The following LAMA2 variants were observed in gnomAD, a reference collection of about 807,000 sequenced individuals.
LAMA2 encodes laminin subunit alpha-2.
A neutral mutation model predicts 364.8 loss-of-function variants in LAMA2; 269 were observed. The observed-to-expected ratio is 0.74, with a 90% CI of 0.67 to 0.82. The LOEUF (loss-of-function observed/expected upper bound fraction) is 0.82. LAMA2 is among the 40% of genes least tolerant of loss of function. LAMA2 has a pLI of 0.00. For synonymous variants in LAMA2, 1,379 were observed against 1,370.6 expected (o/e 1.01, Z -0.14); for missense variants, 3,807 against 3,873.2 (o/e 0.98, Z 0.45).
chr6:129,507,599 TCA>T lies in LAMA2; in HGVS notation c.8815_8816del (p.Gln2939GlufsTer6), dbSNP rs1408614522. 1 of 1,614,180 alleles carries T rather than the reference TCA, an allele frequency of 6.2e-7. No individual in the cohort carries two copies. The highest frequency in any genetic ancestry group is 2.2e-5 in the East Asian group (1 of 44,878). On this transcript the variant is annotated frameshift_variant, in exon 62 of 65. Coordinates refer to ENST00000421865, the MANE Select transcript of LAMA2 (RefSeq NM_000426.4). LOFTEE classifies it high-confidence loss of function. ...ATGTTGGGACATGTTTTGCAAATGCTCAGAGGGGAACATATTTTGACGGAACC... is the reference window on the plus strand; with the variant it reads ...ATGTTGGGACATGTTTTGCAAATGCTGAGGGGAACATATTTTGACGGAACC... ...FHVGTCFANA[Q>X]RGTYFDGTGF...
chr6:129,263,335 A>AGGAAATAAACAGGG (rs1261062972), intron 15 of LAMA2, among the ~76,000 whole-genome samples: 5 of 152,184 alleles, frequency 3.3e-5, no homozygotes, highest in Non-Finnish European at 7.4e-5. Flanking sequence ...AATTCTATGA[A>AGGAAATAAACAGGG]GGAAATAAAC....
At chr6:128,912,871 T>G (rs934817679) in intron 1 of LAMA2, among the ~76,000 whole-genome samples, 2 of 152,182 alleles carry the variant, frequency 1.3e-5, no homozygotes. Context: ...GACTGAGTTT[T>G]GAACAGAAGA....
intron 40 of LAMA2, among the ~76,000 whole-genome samples, chr6:129,407,134 A>T (rs866249547): frequency 6.6e-6 from 1 of 152,106 alleles, no homozygotes; most frequent in Non-Finnish European, 1.5e-5. Context: ...GCCCACCCAC[A>T]TTGAGGGTGG....
chr6:129,086,120 T>C (rs549713534), intron 3 of LAMA2, among the ~76,000 whole-genome samples: 3 of 152,238 alleles, frequency 2.0e-5, no homozygotes, highest in Non-Finnish European at 4.4e-5. Context: ...ATGCTCTCTT[T>C]TGCAAGTCTT....
At chr6:129,100,656 G>A (rs1226831062) in intron 4 of LAMA2, among the ~76,000 whole-genome samples, 16 of 152,182 alleles carry the variant, frequency 1.1e-4, no homozygotes, top group African/African-American at 2.4e-5. Context: ...GTTGACAATC[G>A]CTAAACTTAA....
chr6:128,969,645 G>A (rs924501371), intron 1 of LAMA2, among the ~76,000 whole-genome samples: 2 of 152,046 alleles, frequency 1.3e-5, no homozygotes, highest in African/African-American at 4.8e-5. Context: ...TGTCCAGGCT[G>A]TTCTCAAACT....
intron 55 of LAMA2, among the ~76,000 whole-genome samples, chr6:129,484,549 G>A (rs1784503980): frequency 6.6e-6 from 1 of 152,076 alleles, no homozygotes. Context: ...GAACAGAGAG[G>A]CAAACTGTGG....
chr6:128,920,345 A>G (rs1181162730), intron 1 of LAMA2, among the ~76,000 whole-genome samples: 1 of 151,818 alleles, frequency 6.6e-6, no homozygotes, highest in Non-Finnish European at 1.5e-5. Context: ...TTTAGTAGAG[A>G]CAGGATTTCA....
intron 54 of LAMA2, among the ~76,000 whole-genome samples, chr6:129,480,654 T>G (rs1784301259): frequency 6.6e-6 from 1 of 151,704 alleles, no homozygotes; most frequent in African/African-American, 2.4e-5. Context: ...GCACCTTATT[T>G]ACATTTCTAC....
At chr6:129,422,647 C>T (rs984860608) in intron 40 of LAMA2, among the ~76,000 whole-genome samples, 9 of 152,122 alleles carry the variant, frequency 5.9e-5, no homozygotes, top group African/African-American at 2.2e-4. Context: ...ACTACCAAAA[C>T]TCACAGATAA....
chr6:129,101,539 A>G (rs1448966146), intron 4 of LAMA2, among the ~76,000 whole-genome samples: 1 of 152,178 alleles, frequency 6.6e-6, no homozygotes, highest in African/African-American at 2.4e-5. Flanking sequence ...TAGTTTTACT[A>G]TGATGCTTCA....
chr6:129,034,452 G>GC (rs1786468656), intron 1 of LAMA2, among the ~76,000 whole-genome samples: 1 of 151,044 alleles, frequency 6.6e-6, no homozygotes. Context: ...TATCATGACA[G>GC]TTTTTTTTTC....
chr6:128,909,731 T>C (rs1201679785), intron 1 of LAMA2, among the ~76,000 whole-genome samples: 2 of 152,116 alleles, frequency 1.3e-5, no homozygotes, highest in Non-Finnish European at 2.9e-5. Flanking sequence ...CTTCCTAGTC[T>C]CGATGGTCTT....
At chr6:129,206,112 GGAAGGA>G (rs1562331105) in intron 12 of LAMA2, among the ~76,000 whole-genome samples, 1,384 of 96,992 alleles carry the variant, frequency 0.014, 23 homozygotes, top group African/African-American at 0.047. Context: ...GAGGGAGGAA[GGAAGGA>G]AGGAAGGAAG....
intron 1 of LAMA2, among the ~76,000 whole-genome samples, chr6:128,921,770 A>T (rs1394235703): frequency 6.7e-6 from 1 of 150,278 alleles, no homozygotes; most frequent in Non-Finnish European, 1.5e-5. Flanking sequence ...GATTAGTTAC[A>T]TATGTATACA....
intron 40 of LAMA2, among the ~76,000 whole-genome samples, chr6:129,425,369 C>G (rs1016221306): frequency 2.0e-5 from 3 of 151,878 alleles, no homozygotes; most frequent in African/African-American, 7.3e-5. Context: ...GGGCCATCTT[C>G]CTCTTTTCTC....
intron 58 of LAMA2, among the ~76,000 whole-genome samples, chr6:129,501,251 G>C (rs1785610448): frequency 1.3e-5 from 2 of 152,176 alleles, no homozygotes; most frequent in Admixed American, 6.5e-5. Flanking sequence ...AGCGTAATAA[G>C]AAAGGTGCCA....
intron 12 of LAMA2, among the ~76,000 whole-genome samples, chr6:129,195,410 A>C (rs1781777453): frequency 6.6e-6 from 1 of 152,330 alleles, no homozygotes; most frequent in Non-Finnish European, 1.5e-5. Context: ...TATCCTGTGA[A>C]ACATTTTTCA....
intron 48 of LAMA2, among the ~76,000 whole-genome samples, chr6:129,456,845 A>G (rs1441310769): frequency 2.0e-5 from 3 of 152,176 alleles, no homozygotes; most frequent in Non-Finnish European, 2.9e-5. Context: ...GAAGTGCTAT[A>G]AAGTTCATAC....
Sources: allele counts gnomAD v4.1 joint callset (sites outside exome capture counted in the v4.1 genomes callset), GRCh38; gene constraint gnomAD v4.1.1; transcripts MANE v1.5; gene names NCBI Gene and HGNC (gene_info 2026-07-23, HGNC 2026-07-21).